The following AK9 variants were observed in gnomAD, a reference collection of about 807,000 sequenced individuals.
The protein encoded by AK9 is adenylate kinase 9.
AK9 carries 191 observed loss-of-function variants against 239.6 expected under a neutral mutation model. That is an observed-to-expected ratio of 0.80 (90% CI 0.71 to 0.90). The LOEUF (loss-of-function observed/expected upper bound fraction) is 0.90, where lower values mean the gene tolerates loss of function less well. AK9 is among the 40% of genes least tolerant of loss of function. The pLI is 0.00. For synonymous variants in AK9, 689 were observed against 721.0 expected (o/e 0.96, Z 0.71); for missense variants, 1,995 against 2,214.7 (o/e 0.90, Z 1.99).
At chr6:109,592,565 G>T (rs1790414149) in intron 17 of AK9, among the ~76,000 whole-genome samples, 1 of 150,312 alleles carries the variant, frequency 6.7e-6, no homozygotes, top group African/African-American at 2.4e-5. Flanking sequence ...TCCTGCCTCA[G>T]CCTCCCGAGT....
intron 12 of AK9, among the ~76,000 whole-genome samples, chr6:109,620,915 T>C (rs982484787): frequency 3.3e-5 from 5 of 151,880 alleles, no homozygotes; most frequent in African/African-American, 1.2e-4. Flanking sequence ...GCATAACCAT[T>C]AGGCATAGGA....
intron 21 of AK9, among the ~76,000 whole-genome samples, chr6:109,570,713 G>A (rs1419469729): frequency 6.6e-6 from 1 of 152,126 alleles, no homozygotes; most frequent in Non-Finnish European, 1.5e-5. Context: ...GAAGATTAAC[G>A]TGGTTGAGAA....
At chr6:109,577,162 C>T (rs578087483) in intron 20 of AK9, among the ~76,000 whole-genome samples, 1 of 152,122 alleles carries the variant, frequency 6.6e-6, no homozygotes, top group South Asian at 2.1e-4. Flanking sequence ...AGGTGTGTTC[C>T]TTTTATGCCC....
At position 109,592,592 on chromosome 6, in the gene AK9, G is replaced by T. The variant is rs1399357221; in HGVS notation, c.1843-6520C>A. Among the ~76,000 whole-genome samples the T allele has an allele frequency of 2.0e-5, 3 of 151,824 alleles. No individual in the cohort carries two copies. In the East Asian group the frequency reaches 5.8e-4, roughly 30 times the overall value. On this transcript the variant is annotated intron_variant, in intron 17 of 40. Coordinates refer to ENST00000424296, the MANE Select transcript of AK9 (RefSeq NM_001145128.3). Reference sequence around the variant, plus strand: ...CTCCCGAGTAGCTGGGACTACAGGCGCCTGCCACCTCGCCCGGCTAATTTT... The same window carrying T: ...CTCCCGAGTAGCTGGGACTACAGGCTCCTGCCACCTCGCCCGGCTAATTTT...
chr6:109,640,312 C>T (rs532094502), intron 10 of AK9, among the ~76,000 whole-genome samples: 39 of 152,260 alleles, frequency 2.6e-4, no homozygotes, highest in African/African-American at 9.4e-4. Context: ...TGGGGAGTGT[C>T]CTGTTTTTCC....
Position 109,550,226 on chromosome 6 carries a change from T to C in AK9, c.2828A>G (p.Asn943Ser), listed in dbSNP as rs1784199177. 1 of 1,613,406 alleles carries C rather than the reference T, an allele frequency of 6.2e-7. No homozygotes were observed. The highest frequency in any genetic ancestry group is 8.5e-7 in the Non-Finnish European group (1 of 1,180,012). ...TGTGTTTCCTGGTTGCAGGATGAAG[T>C]TTTCTTTGAGGACCACCGGACAAAA... is the stretch of plus-strand genomic sequence containing the variant. ...KHFCPVVLKE[N>S]FILQPGNTEE... Residue 943 changes from asparagine to serine, a missense_variant, in exon 25 of 41, where the codon AAC becomes AGC. Physicochemically the swap from Asn to Ser is conservative, Grantham distance 46. This residue lies in a region of AK9 where 1,290 missense variants were observed against 1,392.7 expected (regional missense o/e 0.93). Coordinates refer to ENST00000424296, the MANE Select transcript of AK9 (RefSeq NM_001145128.3).
intron 1 of AK9, among the ~76,000 whole-genome samples, chr6:109,689,883 T>C (rs759934692): frequency 2.0e-5 from 3 of 152,194 alleles, no homozygotes; most frequent in Non-Finnish European, 4.4e-5. Flanking sequence ...GTTGGTTTCA[T>C]TATGAAACAG....
intron 1 of AK9, among the ~76,000 whole-genome samples, chr6:109,687,226 C>G (rs77243613): frequency 5.9e-5 from 9 of 152,150 alleles, no homozygotes; most frequent in Admixed American, 5.2e-4. Flanking sequence ...TTGGTTTCAT[C>G]AAGGGCCTAG....
At chr6:109,685,379 C>T (rs988725635) in intron 1 of AK9, among the ~76,000 whole-genome samples, 32 of 152,218 alleles carry the variant, frequency 2.1e-4, no homozygotes, top group African/African-American at 7.7e-4. Context: ...CATATATACA[C>T]CATGGAATAC....
At chr6:109,684,462 A>C (rs1005708758) in intron 1 of AK9, among the ~76,000 whole-genome samples, 9 of 152,164 alleles carry the variant, frequency 5.9e-5, no homozygotes, top group Non-Finnish European at 1.5e-5. Flanking sequence ...TGAACAGGCA[A>C]CCTACAGAAT....
intron 27 of AK9, among the ~76,000 whole-genome samples, chr6:109,537,976 G>T (rs1328369816): frequency 6.6e-6 from 1 of 152,142 alleles, no homozygotes; most frequent in African/African-American, 2.4e-5. Flanking sequence ...GAGACAGTTT[G>T]TTATAATTTC....
chr6:109,569,415 C>G (rs1361290350), intron 21 of AK9, among the ~76,000 whole-genome samples: 1 of 152,032 alleles, frequency 6.6e-6, no homozygotes, highest in Non-Finnish European at 1.5e-5. Context: ...GCAACAAAAG[C>G]CAAACTTGAC....
intron 26 of AK9, among the ~76,000 whole-genome samples, chr6:109,543,019 A>C (rs998802060): frequency 3.9e-5 from 6 of 152,162 alleles, no homozygotes; most frequent in African/African-American, 1.4e-4. Flanking sequence ...TTACAGTATT[A>C]TCTCTCCAAC....
rs914613471 is a variant in AK9 at position 109,633,237 on chromosome 6, A to G, written c.1020T>C (p.Pro340=). The G allele has an allele frequency of 1.2e-6, 2 of 1,606,102 alleles. No individual in the cohort carries two copies. Among genetic ancestry groups the G allele is most frequent in the Admixed American group, 3.5e-5 (2 of 57,442 alleles). The change falls in exon 11 of 41, where the codon CCT becomes CCC. Residue 340 remains proline (P), a synonymous_variant. Coordinates refer to ENST00000424296, the MANE Select transcript of AK9 (RefSeq NM_001145128.3). ...AAATGTTACCATCTTTTAAATTCAC[A>G]GGACATGTACGTCCCCATTTACTTC... ...WQRSKWGRTC[P]VNLKDGNIYS...
chr6:109,512,901 T>A (rs1300796103), intron 32 of AK9, among the ~76,000 whole-genome samples: 2 of 152,238 alleles, frequency 1.3e-5, no homozygotes, highest in Admixed American at 1.3e-4. Flanking sequence ...TCTCACTCTG[T>A]TGCCTAGGGT....
intron 6 of AK9, chr6:109,660,907 T>C: frequency 2.0e-6 from 1 of 495,534 alleles, no homozygotes; most frequent in Admixed American, 2.1e-5. Context: ...ACTGCTCTAG[T>C]AGATTGCTAG....
rs1208304923 is a variant in AK9 at position 109,691,150 on chromosome 6, A to T, written c.-15T>A. 1 of 561,664 alleles carries T rather than the reference A, an allele frequency of 1.8e-6. No homozygotes were observed. Among genetic ancestry groups the T allele is most frequent in the Non-Finnish European group, 3.2e-6 (1 of 313,064 alleles). 34.8% of individuals were successfully genotyped at this position (561,664 alleles called of 1,614,324 possible). A position where few individuals can be genotyped will look rare whatever the true frequency, so the allele number is the denominator to read the frequency against. Reference sequence around the variant, plus strand: ...CATGTTTTCCTCCAATCCTTACCAAAGATGGTGCCCTTCGCTTCCTCTCTC... The same window carrying T: ...CATGTTTTCCTCCAATCCTTACCAATGATGGTGCCCTTCGCTTCCTCTCTC... On this transcript the variant is annotated 5_prime_UTR_variant, in exon 1 of 41. Transcript: ENST00000424296.
At chr6:109,610,801 T>C (rs895867364) in intron 16 of AK9, among the ~76,000 whole-genome samples, 4 of 151,698 alleles carry the variant, frequency 2.6e-5, no homozygotes, top group Non-Finnish European at 5.9e-5. Context: ...AGGGAAGAAA[T>C]GTAGGGGCCA....
chr6:109,627,333 C>T (rs1011115059), intron 12 of AK9, among the ~76,000 whole-genome samples: 1 of 151,804 alleles, frequency 6.6e-6, no homozygotes, highest in African/African-American at 2.4e-5. Flanking sequence ...TTACAGTTAA[C>T]GTTTTCTACA....
Sources: gnomAD v4.1 joint callset for allele counts (sites outside exome capture counted in the v4.1 genomes callset) on GRCh38, gnomAD v4.1.1 for gene constraint, gnomAD v4.1.1 regional missense constraint, MANE v1.5 for transcripts, NCBI Gene and HGNC (gene_info 2026-07-23, HGNC 2026-07-21) for gene names.